BRD4: variants seen among roughly 807,000 people sequenced by gnomAD.
BRD4 encodes the protein bromodomain containing 4.
Under a neutral mutation model 142.1 loss-of-function variants are expected in BRD4, and 16 were observed. The ratio of observed to expected loss-of-function variants is 0.11; its 90% confidence interval spans 0.08 to 0.17. The LOEUF (loss-of-function observed/expected upper bound fraction) is 0.17, where lower values mean the gene tolerates loss of function less well. Ranked by LOEUF, BRD4 falls within the 10% of genes least tolerant of loss-of-function variation. BRD4 has a pLI of 1.00. For synonymous variants in BRD4, 833 were observed against 707.5 expected (o/e 1.18, Z -2.82); for missense variants, 1,424 against 1,810.9 (o/e 0.79, Z 3.88).
At chr19:15,299,941 G>A (rs1470680338) in intron 1 of BRD4, among the ~76,000 whole-genome samples, 1 of 152,196 alleles carries the variant, frequency 6.6e-6, no homozygotes, top group Non-Finnish European at 1.5e-5. Flanking sequence ...TCTACAAAGA[G>A]AATCCCTTGG....
chr19:15,295,147 GCCATGTC>G (rs1568401766), intron 1 of BRD4, among the ~76,000 whole-genome samples: 1 of 152,202 alleles, frequency 6.6e-6, no homozygotes, highest in Non-Finnish European at 1.5e-5. Context: ...AGAAACCTGT[GCCATGTC>G]CCACTGCAGC....
chr19:15,305,271 G>C (rs541757049), intron 1 of BRD4, among the ~76,000 whole-genome samples: 1 of 152,216 alleles, frequency 6.6e-6, no homozygotes, highest in South Asian at 2.1e-4. Context: ...TCAAACTCCT[G>C]ACCTCAGGTG....
chr19:15,257,928 T>C (rs1238243862), intron 7 of BRD4, among the ~76,000 whole-genome samples: 1 of 152,158 alleles, frequency 6.6e-6, no homozygotes, highest in African/African-American at 2.4e-5. Flanking sequence ...CGTGGGGTCA[T>C]GGAGCTCAGG....
intron 1 of BRD4, among the ~76,000 whole-genome samples, chr19:15,293,434 C>T (rs2047799499): frequency 6.6e-6 from 1 of 152,106 alleles, no homozygotes; most frequent in South Asian, 2.1e-4. Flanking sequence ...AGACAGGAAG[C>T]AACAGCTGGC....
Position 15,244,365 on chromosome 19 carries a change from A to G in BRD4, c.2447T>C (p.Val816Ala), listed in dbSNP as rs1477600625. 6.2e-7 allele frequency: 1 copy of G among 1,604,464 alleles called. No homozygotes were observed. The highest frequency in any genetic ancestry group is 1.1e-5 in the South Asian group (1 of 89,564). The stretch of plus-strand genomic sequence containing the variant: ...GGTGAAGTGGCCGATGGGGTCAAAG[A>G]CGCTGCCTGGGAGCTGGGGCTCCAG... ...PVLEPQLPGS[V>A]FDPIGHFTQP... The change falls in exon 13 of 20, where the codon GTC becomes GCC. Residue 816 changes from valine (V) to alanine (A), a missense_variant. Physicochemically the swap from Val to Ala is moderately conservative, Grantham distance 64 (BLOSUM62 0). Transcript: ENST00000679869.
rs527935414 is a variant in BRD4 at position 15,288,895 on chromosome 19, C to T, written c.-34-15762G>A. Among the ~76,000 whole-genome samples the T allele has an allele frequency of 9.2e-5, 14 of 152,320 alleles. No individual in the cohort carries two copies. In the South Asian group the frequency reaches 1.5e-3, roughly 16 times the overall value. On this transcript the variant is annotated intron_variant, in intron 1 of 19. Transcript: ENST00000679869. ...TTCAGAGGAGCAGGCACCGACTCCT[C>T]AGGCTTCCACAGCCACCAGGTCCCC...
chr19:15,272,482 G>A (rs1181700808), intron 2 of BRD4, among the ~76,000 whole-genome samples: 1 of 152,154 alleles, frequency 6.6e-6, no homozygotes, highest in African/African-American at 2.4e-5. Flanking sequence ...GAGAAATGAA[G>A]GGGCTAGGAT....
At chr19:15,303,525 G>A (rs1568404938) in intron 1 of BRD4, among the ~76,000 whole-genome samples, 1 of 152,078 alleles carries the variant, frequency 6.6e-6, no homozygotes, top group Admixed American at 6.5e-5. Flanking sequence ...GGACAATTCA[G>A]CCTATCTACT....
chr19:15,332,108 C>T (rs1290620135), intron 1 of BRD4, among the ~76,000 whole-genome samples, 182 bp downstream of exon 1: 2 of 146,722 alleles, frequency 1.4e-5, no homozygotes, highest in Non-Finnish European at 1.5e-5. Context: ...CCGGAACGAA[C>T]GGCGCGGGAG....
intron 1 of BRD4, among the ~76,000 whole-genome samples, chr19:15,325,591 C>T (rs2048100178): frequency 6.6e-6 from 1 of 152,158 alleles, no homozygotes; most frequent in African/African-American, 2.4e-5. Context: ...AATCTCACCC[C>T]TATAAACAAG....
chr19:15,280,977 C>T (rs914309359), intron 1 of BRD4, among the ~76,000 whole-genome samples: 1 of 152,228 alleles, frequency 6.6e-6, no homozygotes, highest in African/African-American at 2.4e-5. Flanking sequence ...AGGTCTGTTC[C>T]CCTCCTAGGT....
intron 1 of BRD4, among the ~76,000 whole-genome samples, chr19:15,279,695 C>G (rs1308122116): frequency 2.0e-5 from 3 of 152,218 alleles, no homozygotes; most frequent in African/African-American, 4.8e-5. Context: ...AGAAAGACCA[C>G]AAACAACTGC....
intron 13 of BRD4, among the ~76,000 whole-genome samples, chr19:15,243,944 T>A (rs903407428): frequency 3.3e-5 from 5 of 152,210 alleles, no homozygotes; most frequent in Admixed American, 3.3e-4. Flanking sequence ...ACATGACGCC[T>A]GGCCCAGCAG....
rs962470822 is a variant in BRD4 at position 15,254,061 on chromosome 19, T to C, written c.2158+91A>G. 7 of 1,103,850 alleles carry C rather than the reference T, an allele frequency of 6.3e-6. No homozygotes were observed. The Admixed American group carries it at 7.9e-5, about 12-fold the overall frequency. The allele number at this position is 1,103,850 out of a possible 1,614,324, so 68.4% of individuals were successfully genotyped here. The stretch of plus-strand genomic sequence containing the variant: ...CAGCAAGTTCTGGGAGTGCCGTCTC[T>C]GGGCTCTAGCATCCTGGACACAGGA... On this transcript the variant is annotated intron_variant, in intron 11 of 19. Transcript: ENST00000679869.
intron 1 of BRD4, among the ~76,000 whole-genome samples, chr19:15,313,230 G>A (rs1289003066): frequency 3.3e-5 from 5 of 151,806 alleles, no homozygotes; most frequent in African/African-American, 9.7e-5. Flanking sequence ...AAAATTAGCC[G>A]GGCGTGGTGG....
intron 1 of BRD4, among the ~76,000 whole-genome samples, chr19:15,318,274 A>G (rs2048032761): frequency 6.6e-6 from 1 of 152,218 alleles, no homozygotes; most frequent in African/African-American, 2.4e-5. Flanking sequence ...TTTAATCTTC[A>G]AACTATAGAG....
chr19:15,256,118 T>G lies in BRD4; in HGVS notation c.1697A>C (p.Lys566Thr). The change falls in exon 9 of 20, where the codon AAG becomes ACG. Residue 566 changes from lysine to threonine, a missense_variant. Physicochemically the swap from Lys to Thr is moderately conservative, Grantham distance 78 (BLOSUM62 -1). Around this residue, in one of 16 missense-constraint regions of BRD4, gnomAD observed 86 missense variants for 78.9 expected, o/e 1.09. Transcript: ENST00000679869. ...EVEENKKSKAKEPPPKKTKKN... is the reference protein window; with the variant it reads ...EVEENKKSKATEPPPKKTKKN... Reference sequence around the variant, plus strand: ...CTTCGTCTTTTTAGGAGGAGGTTCCTTGGCTTTGCTTTTTTTATTCTCTTC... The same window carrying G: ...CTTCGTCTTTTTAGGAGGAGGTTCCGTGGCTTTGCTTTTTTTATTCTCTTC... 1 of 1,611,924 alleles carries G rather than the reference T, an allele frequency of 6.2e-7. No individual in the cohort carries two copies. Among genetic ancestry groups the G allele is most frequent in the South Asian group, 1.1e-5 (1 of 90,970 alleles).
At chr19:15,303,869 T>C (rs2047892043) in intron 1 of BRD4, among the ~76,000 whole-genome samples, 1 of 152,082 alleles carries the variant, frequency 6.6e-6, no homozygotes, top group Non-Finnish European at 1.5e-5. Context: ...CAACAAGCAT[T>C]TGATGGCTAA....
At chr19:15,299,909 C>T (rs991794718) in intron 1 of BRD4, among the ~76,000 whole-genome samples, 3 of 152,182 alleles carry the variant, frequency 2.0e-5, no homozygotes, top group Admixed American at 6.5e-5. Context: ...CTACAGAGAG[C>T]GTATGAAGAG....
Sources: gnomAD v4.1 joint callset for allele counts (sites outside exome capture counted in the v4.1 genomes callset) on GRCh38, gnomAD v4.1.1 for gene constraint, gnomAD v4.1.1 regional missense constraint, MANE v1.5 for transcripts, NCBI Gene and HGNC (gene_info 2026-07-23, HGNC 2026-07-21) for gene names.